Variants in SLC2A1 observed in about 807,000 individuals in gnomAD.
SLC2A1 encodes the protein solute carrier family 2, facilitated glucose transporter member 1.
In SLC2A1, 4 loss-of-function variants were observed where a neutral mutation model predicts 46.6. That is an observed-to-expected ratio of 0.09 (90% CI 0.04 to 0.20). The LOEUF is 0.20. Among genes scored for constraint, SLC2A1 ranks in the 10% least tolerant of loss-of-function variants. The probability of loss-of-function intolerance (pLI) is 1.00; values close to 1 mark genes in which losing one functional copy is unlikely to be tolerated. For missense variants in SLC2A1, 352 were observed against 667.0 expected (o/e 0.53, Z 5.20); for synonymous variants, 253 against 270.0 (o/e 0.94, Z 0.62).
Position 42,958,823 on chromosome 1 carries a change from C to A in SLC2A1, c.-172G>T. On this transcript the variant is annotated 5_prime_UTR_variant, in exon 1 of 10. Transcript: ENST00000426263. ...TCCCTGGCGTGCTCACTCGGGGACC[C>A]GCGACTAGCGACCGGCACGCTCGCT... 3.3e-6 allele frequency: 2 copies of A among 603,076 alleles called. No homozygotes were observed. The highest frequency in any genetic ancestry group is 3.0e-5 in the Admixed American group (1 of 33,416). 37.4% of individuals were successfully genotyped at this position (603,076 alleles called of 1,614,324 possible). A position where few individuals can be genotyped will look rare whatever the true frequency, so the allele number is the denominator to read the frequency against.
rs778539459 is a variant in SLC2A1, at chr1:42,943,338, C to T, written c.19-17G>A. The T allele has an allele frequency of 1.9e-6, 3 of 1,596,308 alleles. No homozygotes were observed. The East Asian group carries it at 6.7e-5, about 36-fold the overall frequency. On this transcript the variant is annotated splice_polypyrimidine_tract_variant and intron_variant, in intron 1 of 9. Coordinates refer to ENST00000426263, the MANE Select transcript of SLC2A1 (RefSeq NM_006516.4). ...CGTCAGCTTCTGCGGAGAAACAAAC[C>T]ACACTGTTATAGGCGTGTCTGGGAG...
chr1:42,958,353 A>G (rs1436647467), intron 1 of SLC2A1, among the ~76,000 whole-genome samples: 1 of 150,834 alleles, frequency 6.6e-6, no homozygotes, highest in Non-Finnish European at 1.5e-5. Flanking sequence ...GGCCGCGTGG[A>G]CGGCGCGGCG....
Position 42,958,835 on chromosome 1 carries a change from C to G in SLC2A1, c.-184G>C. ...TCACTCGGGGACCCGCGACTAGCGA[C>G]CGGCACGCTCGCTGTTGCTACCTCT... On this transcript the variant is annotated 5_prime_UTR_variant, in exon 1 of 10. Transcript: ENST00000426263. The G allele has an allele frequency of 1.7e-6, 1 of 583,832 alleles. No individual in the cohort carries two copies. Among genetic ancestry groups the G allele is most frequent in the Non-Finnish European group, 3.0e-6 (1 of 332,336 alleles). The allele number at this position is 583,832 out of a possible 1,614,324, so 36.2% of individuals were successfully genotyped here. A position where few individuals can be genotyped will look rare whatever the true frequency, so the allele number is the denominator to read the frequency against.
At chr1:42,943,696 G>A (rs765537046) in intron 1 of SLC2A1, among the ~76,000 whole-genome samples, 13 of 152,098 alleles carry the variant, frequency 8.5e-5, no homozygotes, top group East Asian at 1.9e-4. Context: ...CCTCCTATGC[G>A]AGGGGGCCCA....
In SLC2A1 at chr1:42,929,400, G is replaced by A. The variant is rs745925973; in HGVS notation, c.868-86C>T. Reference sequence around the variant, plus strand: ...TAGCAGTGGATGTGGGACCCAGGATGAGTAAAGAATGAAGGGGACAAATAC... The same window carrying A: ...TAGCAGTGGATGTGGGACCCAGGATAAGTAAAGAATGAAGGGGACAAATAC... On this transcript the variant is annotated intron_variant, in intron 6 of 9. Transcript: ENST00000426263. This position sits in a 1 kb window ranked among gnomAD's most constrained non-coding sequence, Gnocchi z 6.0. The A allele has an allele frequency of 2.5e-6, 3 of 1,204,032 alleles. No individual in the cohort carries two copies. The highest frequency in any genetic ancestry group is 3.6e-6 in the Non-Finnish European group (3 of 826,384). 74.6% of individuals were successfully genotyped at this position (1,204,032 alleles called of 1,614,324 possible).
In SLC2A1 at chr1:42,929,964, C is replaced by T. The variant is rs2229682; in HGVS notation, c.588G>A (p.Pro196=). 312,191 of 1,613,880 alleles carry T rather than the reference C, an allele frequency of 0.19. 31,668 individuals are homozygous for T. The highest frequency in any genetic ancestry group is 0.21 in the Non-Finnish European group (243,622 of 1,179,900). ...GCAGCACGATGCACTGCAGCAGGGC[C>T]GGGATGAAGATGATGCTCAGCAGCA... is the stretch of plus-strand genomic sequence containing the variant. ...WPLLLSIIFI[P]ALLQCIVLPF... Residue 196 remains proline (P), a synonymous_variant, in exon 5 of 10, where the codon CCG becomes CCA. Coordinates refer to ENST00000426263, the MANE Select transcript of SLC2A1 (RefSeq NM_006516.4). This position sits in a 1 kb window ranked among gnomAD's most constrained non-coding sequence, Gnocchi z 6.0.
Position 42,927,260 on chromosome 1 carries a change from C to T in SLC2A1, c.1279-19G>A. On this transcript the variant is annotated intron_variant, in intron 9 of 9. Coordinates refer to ENST00000426263, the MANE Select transcript of SLC2A1 (RefSeq NM_006516.4). The surrounding 1 kb of genome is among the most constrained non-coding windows in gnomAD (Gnocchi z 5.3). The stretch of plus-strand genomic sequence containing the variant: ...ACAGTTGCTGAAAGACACACAGACA[C>T]ACTTGGTTGGAGTCATGACCCTACA... 1 of 1,612,626 alleles carries T rather than the reference C, an allele frequency of 6.2e-7. No homozygotes were observed. Among genetic ancestry groups the T allele is most frequent in the South Asian group, 1.1e-5 (1 of 91,024 alleles).
chr1:42,926,703 C>G lies in SLC2A1; in HGVS notation c.*338G>C, dbSNP rs1296284032. ...GAAGAAGGCAAGTGTCTCGACAGGG[C>G]TTAGTCTCCACCCTCAGGCATGGAA... On this transcript the variant is annotated 3_prime_UTR_variant, in exon 10 of 10. Coordinates refer to ENST00000426263, the MANE Select transcript of SLC2A1 (RefSeq NM_006516.4). 2 of 1,350,660 alleles carry G rather than the reference C, an allele frequency of 1.5e-6. No individual in the cohort carries two copies. The highest frequency in any genetic ancestry group is 4.4e-5 in the Admixed American group (2 of 45,280). 83.7% of individuals were successfully genotyped at this position (1,350,660 alleles called of 1,614,324 possible).
At chr1:42,933,104 G>T (rs59336549) in intron 2 of SLC2A1, among the ~76,000 whole-genome samples, 14,381 of 152,112 alleles carry the variant, frequency 0.095, 1,342 homozygotes, top group African/African-American at 0.24. Context: ...ACATTAGCAG[G>T]AGCTGCTTCA....
intron 2 of SLC2A1, among the ~76,000 whole-genome samples, chr1:42,934,183 C>T (rs895804306): frequency 6.6e-6 from 1 of 152,184 alleles, no homozygotes; most frequent in African/African-American, 2.4e-5. Context: ...CAGAGCTCCA[C>T]CCTGAGTTAC....
At chr1:42,941,860 A>T (rs1241584353) in intron 2 of SLC2A1, among the ~76,000 whole-genome samples, 1 of 152,234 alleles carries the variant, frequency 6.6e-6, no homozygotes, top group Non-Finnish European at 1.5e-5. Context: ...TGGTCCAAGC[A>T]TGGGCCCACG....
intron 1 of SLC2A1, 84 bp downstream of exon 1, chr1:42,958,550 G>A (rs879395609): frequency 2.8e-4 from 339 of 1,209,756 alleles, no homozygotes; most frequent in Non-Finnish European, 3.5e-4. Flanking sequence ...CAGCGGGGCG[G>A]CGGGGGAGGC....
chr1:42,929,898 G>C lies in SLC2A1; in HGVS notation c.654C>G (p.Arg218=), dbSNP rs1186543073. 5 of 1,614,084 alleles carry C rather than the reference G, an allele frequency of 3.1e-6. No homozygotes were observed. The highest frequency in any genetic ancestry group is 4.2e-6 in the Non-Finnish European group (5 of 1,180,048). ...CACTCTTGGCCCGGTTCTCCTCGTT[G>C]CGGTTGATGAGCAGGAAGCGGGGAC... ...PESPRFLLIN[R]NEENRAKSVL... Residue 218 remains arginine, a synonymous_variant, in exon 5 of 10, where the codon CGC becomes CGG. Transcript: ENST00000426263. The surrounding 1 kb of genome is among the most constrained non-coding windows in gnomAD (Gnocchi z 6.0).
chr1:42,941,840 G>T (rs1643601685), intron 2 of SLC2A1, among the ~76,000 whole-genome samples: 1 of 152,172 alleles, frequency 6.6e-6, no homozygotes, highest in African/African-American at 2.4e-5. Flanking sequence ...GCAAATGCAG[G>T]GCTTGGGGCT....
intron 1 of SLC2A1, among the ~76,000 whole-genome samples, chr1:42,953,151 A>T (rs1209196506): frequency 6.6e-6 from 1 of 152,260 alleles, no homozygotes; most frequent in Non-Finnish European, 1.5e-5. Flanking sequence ...CAGAGGCCTC[A>T]GTAGCCAAAG....
intron 2 of SLC2A1, among the ~76,000 whole-genome samples, chr1:42,939,122 C>G (rs1435955045): frequency 3.3e-5 from 5 of 152,280 alleles, no homozygotes; most frequent in Non-Finnish European, 5.9e-5. Flanking sequence ...GATGGAATCT[C>G]TGTGTCGCCC....
chr1:42,943,634 G>A (rs910014686), intron 1 of SLC2A1, among the ~76,000 whole-genome samples: 12 of 152,190 alleles, frequency 7.9e-5, no homozygotes, highest in African/African-American at 2.4e-4. Context: ...GTGGAGCCAT[G>A]CCTAGGGTCT....
intron 2 of SLC2A1, among the ~76,000 whole-genome samples, chr1:42,941,752 G>A (rs1643600706): frequency 6.6e-6 from 1 of 152,228 alleles, no homozygotes; most frequent in South Asian, 2.1e-4. Context: ...CTGTCTTACA[G>A]ACTTTCCATC....
chr1:42,925,944 T>C lies in SLC2A1; in HGVS notation c.*1097A>G, dbSNP rs999482933. 1.3e-5 allele frequency: 2 copies of C among 152,148 alleles called. No homozygotes were observed. Among genetic ancestry groups the C allele is most frequent in the African/African-American group, 4.8e-5 (2 of 41,416 alleles). 9.4% of individuals were successfully genotyped at this position (152,148 alleles called of 1,614,324 possible). ...CCAACTATCAAATATGTGATAGAAA[T>C]GCCTTGAATGTCAAGATAAAGAATG... On this transcript the variant is annotated 3_prime_UTR_variant, in exon 10 of 10. Coordinates refer to ENST00000426263, the MANE Select transcript of SLC2A1 (RefSeq NM_006516.4).
Sources: gnomAD v4.1 joint callset for allele counts (sites outside exome capture counted in the v4.1 genomes callset) on GRCh38, gnomAD v4.1.1 for gene constraint, Gnocchi (gnomAD v3.1) non-coding constraint, MANE v1.5 for transcripts, NCBI Gene and HGNC (gene_info 2026-07-23, HGNC 2026-07-21) for gene names.